The following DLG2 variants were observed in gnomAD, a reference collection of about 807,000 sequenced individuals.
DLG2 encodes discs large MAGUK scaffold protein 2.
Under a neutral mutation model 132.5 loss-of-function variants are expected in DLG2, and 45 were observed. The observed-to-expected ratio is 0.34, with a 90% CI of 0.27 to 0.44. The LOEUF (loss-of-function observed/expected upper bound fraction) is 0.44. DLG2 is among the 20% of genes least tolerant of loss of function. The pLI is 1.00. For synonymous variants in DLG2, 424 were observed against 419.6 expected (o/e 1.01, Z -0.13); for missense variants, 1,045 against 1,196.9 (o/e 0.87, Z 1.87).
At chr11:84,296,615 C>T (rs2098091995) in intron 7 of DLG2, among the ~76,000 whole-genome samples, 2 of 152,062 alleles carry the variant, frequency 1.3e-5, no homozygotes, top group East Asian at 3.9e-4. Flanking sequence ...TGTTATTTTA[C>T]TTTTTGTAGA....
rs1008414540 is a variant in DLG2 at position 83,935,272 on chromosome 11, A to C, written c.1341-4789T>G. The stretch of plus-strand genomic sequence containing the variant: ...CCTCATGCTCCTCTTTACAAATAAT[A>C]CACTGTTTATTGGGCCAAGGATTTG... On this transcript the variant is annotated intron_variant, in intron 14 of 27. Coordinates refer to ENST00000376104, the MANE Select transcript of DLG2 (RefSeq NM_001142699.3). Among the ~76,000 whole-genome samples the C allele has an allele frequency of 1.8e-4, 28 of 152,294 alleles. 1 individual carries two copies. Among genetic ancestry groups the C allele is most frequent in the Admixed American group, 1.6e-3 (24 of 15,296 alleles).
intron 19 of DLG2, among the ~76,000 whole-genome samples, chr11:83,545,429 C>T (rs1415685337): frequency 6.6e-6 from 1 of 151,936 alleles, no homozygotes; most frequent in East Asian, 1.9e-4. Flanking sequence ...GCCAATTGTG[C>T]CACTTAAAAG....
chr11:84,294,025 A>G (rs552060660), intron 7 of DLG2, among the ~76,000 whole-genome samples: 3 of 152,278 alleles, frequency 2.0e-5, no homozygotes, highest in African/African-American at 7.2e-5. Context: ...CAGCCATATA[A>G]CAGACTAGGG....
chr11:84,604,607 C>A (rs1420646305), intron 6 of DLG2, among the ~76,000 whole-genome samples: 2 of 151,898 alleles, frequency 1.3e-5, no homozygotes, highest in African/African-American at 4.8e-5. Flanking sequence ...TCCTTAATCT[C>A]AGGAAGATAA....
At chr11:84,540,483 C>T (rs1565240075) in intron 6 of DLG2, among the ~76,000 whole-genome samples, 1 of 152,084 alleles carries the variant, frequency 6.6e-6, no homozygotes, top group East Asian at 1.9e-4. Flanking sequence ...CAAATCAGAA[C>T]CACAATGAGA....
chr11:85,573,025 G>A (rs1054982880), intron 3 of DLG2, among the ~76,000 whole-genome samples: 25 of 152,122 alleles, frequency 1.6e-4, no homozygotes, highest in African/African-American at 5.8e-4. Context: ...TCATTTAAAA[G>A]TGTGTGGCAT....
intron 4 of DLG2, among the ~76,000 whole-genome samples, chr11:85,272,704 C>A (rs529772362): frequency 1.3e-5 from 2 of 152,072 alleles, no homozygotes; most frequent in African/African-American, 2.4e-5. Flanking sequence ...AGATTCAATG[C>A]CATCCCCATC....
chr11:84,922,282 T>C (rs1331616764), intron 6 of DLG2, among the ~76,000 whole-genome samples: 7 of 152,186 alleles, frequency 4.6e-5, no homozygotes, highest in Admixed American at 3.9e-4. Flanking sequence ...CCAAGAAATG[T>C]AAGCTTAAAA....
chr11:85,236,676 C>G (rs923792433), intron 4 of DLG2, among the ~76,000 whole-genome samples: 2 of 151,928 alleles, frequency 1.3e-5, no homozygotes, highest in African/African-American at 4.8e-5. Context: ...TATGCATGTT[C>G]TTAATTAAAC....
At chr11:85,128,584 AT>A (rs1566906202) in intron 5 of DLG2, among the ~76,000 whole-genome samples, 1 of 152,128 alleles carries the variant, frequency 6.6e-6, no homozygotes, top group Non-Finnish European at 1.5e-5. Flanking sequence ...GACTCCTTGC[AT>A]TTCATTAAAT....
chr11:84,146,429 G>A (rs1404833091), intron 9 of DLG2, among the ~76,000 whole-genome samples: 1 of 152,036 alleles, frequency 6.6e-6, no homozygotes, highest in African/African-American at 2.4e-5. Context: ...CACACTGCAT[G>A]CCTGTATCAA....
chr11:84,752,564 CTTTTT>C (rs370347853), intron 6 of DLG2, among the ~76,000 whole-genome samples: 1 of 127,508 alleles, frequency 7.8e-6, no homozygotes, highest in Admixed American at 7.8e-5. Flanking sequence ...TTTTCTTTTT[CTTTTT>C]TTTTTTTTTT....
rs75914138 is a variant in DLG2, at chr11:85,186,710, C to T, written c.187-32059G>A. On this transcript the variant is annotated intron_variant, in intron 4 of 27. Coordinates refer to ENST00000376104, the MANE Select transcript of DLG2 (RefSeq NM_001142699.3). Reference sequence around the variant, plus strand: ...CATCCTGACCTATCATGGAGAATTGCCTGCCCAGACACTTGTGTATGCTGA... The same window carrying T: ...CATCCTGACCTATCATGGAGAATTGTCTGCCCAGACACTTGTGTATGCTGA... 2.6e-5 allele frequency among the ~76,000 whole-genome samples: 4 copies of T among 152,138 alleles called. No individual in the cohort carries two copies. The South Asian group carries it at 8.3e-4, about 31-fold the overall frequency.
chr11:83,845,273 G>T lies in DLG2; in HGVS notation c.1566-11503C>A, dbSNP rs972386786. On this transcript the variant is annotated intron_variant, in intron 16 of 27. Transcript: ENST00000376104. ...GGAGATCAAAAAGATCTTTTTAGTA[G>T]AATGAGAAGACATGTATTAGGAAAC... Among the ~76,000 whole-genome samples, 22 of 152,228 alleles carry T rather than the reference G, an allele frequency of 1.4e-4. No homozygotes were observed. The East Asian group carries it at 4.1e-3, about 28-fold the overall frequency.
In DLG2 at chr11:83,689,427, T is replaced by G. The variant is rs567196271; in HGVS notation, c.1826-56102A>C. Among the ~76,000 whole-genome samples the G allele has an allele frequency of 5.3e-5, 8 of 152,266 alleles. No homozygotes were observed. The East Asian group carries it at 1.5e-3, about 29-fold the overall frequency. ...GTAGGAATACCAGAGACTAATCATC[T>G]TTTTTTATGAACTTCTTCAATGCAA... On this transcript the variant is annotated intron_variant, in intron 18 of 27. Transcript: ENST00000376104.
intron 6 of DLG2, among the ~76,000 whole-genome samples, chr11:85,044,984 T>A (rs1285430554): frequency 1.3e-5 from 2 of 152,084 alleles, no homozygotes; most frequent in Non-Finnish European, 2.9e-5. Context: ...TGCCCGTTAA[T>A]TCATTTTGCT....
chr11:85,579,943 C>T (rs1032970901), intron 3 of DLG2, among the ~76,000 whole-genome samples: 3 of 152,126 alleles, frequency 2.0e-5, no homozygotes, highest in Admixed American at 1.3e-4. Context: ...ACCCAAATCT[C>T]ATCTTGAATT....
intron 3 of DLG2, among the ~76,000 whole-genome samples, chr11:85,490,135 C>A (rs1235910392): frequency 6.6e-6 from 1 of 152,012 alleles, no homozygotes; most frequent in African/African-American, 2.4e-5. Context: ...CTGCAGTAAG[C>A]TATAATCATG....
chr11:83,567,828 C>T (rs145389056), intron 19 of DLG2, among the ~76,000 whole-genome samples: 1 of 151,956 alleles, frequency 6.6e-6, no homozygotes, highest in African/African-American at 2.4e-5. Context: ...GGAATTCAGT[C>T]CAGCTAGATA....
Sources: gnomAD v4.1 joint callset for allele counts (sites outside exome capture counted in the v4.1 genomes callset) on GRCh38, gnomAD v4.1.1 for gene constraint, MANE v1.5 for transcripts, NCBI Gene and HGNC (gene_info 2026-07-23, HGNC 2026-07-21) for gene names.